CNTN5: variants seen among roughly 807,000 people sequenced by gnomAD.
CNTN5 encodes contactin 5, also known as contactin-5.
In CNTN5, 77 loss-of-function variants were observed where a neutral mutation model predicts 129.1. The ratio of observed to expected loss-of-function variants is 0.60; its 90% CI spans 0.50 to 0.72. The LOEUF (loss-of-function observed/expected upper bound fraction) is 0.72, where lower values mean the gene tolerates loss of function less well. CNTN5 is among the 30% of genes least tolerant of loss of function. The pLI, the probability that CNTN5 is intolerant of heterozygous loss-of-function variation, is 0.00. For synonymous variants in CNTN5, 509 were observed against 465.6 expected, an observed-to-expected ratio of 1.09 and a Z score of -1.20; for missense variants, 1,478 against 1,328.8, an observed-to-expected ratio of 1.11 and a Z score of -1.75.
chr11:100,137,652 C>T (rs999641059), intron 13 of CNTN5, among the ~76,000 whole-genome samples: 4 of 152,060 alleles, frequency 2.6e-5, no homozygotes, highest in Non-Finnish European at 5.9e-5. Flanking sequence ...AACCTGGAAT[C>T]TAGTCACTTA....
At chr11:99,127,214 A>G (rs1339459974) in intron 1 of CNTN5, among the ~76,000 whole-genome samples, 1 of 152,112 alleles carries the variant, frequency 6.6e-6, no homozygotes, top group Non-Finnish European at 1.5e-5. Flanking sequence ...CTTCTTCCTC[A>G]CTTACATCCT....
At chr11:100,316,099 C>CAA (rs1190642387) in intron 21 of CNTN5, among the ~76,000 whole-genome samples, 2 of 152,206 alleles carry the variant, frequency 1.3e-5, no homozygotes, top group Non-Finnish European at 2.9e-5. Flanking sequence ...CAGAGTCCCT[C>CAA]AAGCTTTTCA....
At chr11:100,145,015 C>A (rs1045335007) in intron 13 of CNTN5, among the ~76,000 whole-genome samples, 2 of 151,980 alleles carry the variant, frequency 1.3e-5, no homozygotes, top group South Asian at 2.1e-4. Context: ...AAATTAGAGA[C>A]CTTTCCATTG....
At chr11:99,349,357 T>C (rs571048024) in intron 2 of CNTN5, among the ~76,000 whole-genome samples, 2 of 152,156 alleles carry the variant, frequency 1.3e-5, no homozygotes, top group Non-Finnish European at 2.9e-5. Context: ...GAGATATAGA[T>C]AGATTGGCCA....
intron 3 of CNTN5, among the ~76,000 whole-genome samples, chr11:99,601,385 T>A (rs1950307803): frequency 6.6e-6 from 1 of 152,206 alleles, no homozygotes; most frequent in Non-Finnish European, 1.5e-5. Flanking sequence ...TTCTACCTGC[T>A]AGTCCTAGCA....
At chr11:99,788,965 T>G (rs1411022030) in intron 3 of CNTN5, among the ~76,000 whole-genome samples, 1 of 151,900 alleles carries the variant, frequency 6.6e-6, no homozygotes, top group Non-Finnish European at 1.5e-5. Context: ...CAAAATCTAG[T>G]AGCTTAATAT....
chr11:100,241,639 C>CAT, intron 16 of CNTN5, among the ~76,000 whole-genome samples: 1 of 152,290 alleles, frequency 6.6e-6, no homozygotes, highest in South Asian at 2.1e-4. Flanking sequence ...ACGACAATCA[C>CAT]ATATTCACAA....
At chr11:99,364,686 T>A (rs969866290) in intron 2 of CNTN5, among the ~76,000 whole-genome samples, 1 of 152,132 alleles carries the variant, frequency 6.6e-6, no homozygotes, top group Non-Finnish European at 1.5e-5. Context: ...ATTTATTTCA[T>A]AAGAATAAGA....
At chr11:99,815,928 A>T (rs183830596) in intron 3 of CNTN5, among the ~76,000 whole-genome samples, 2 of 152,034 alleles carry the variant, frequency 1.3e-5, no homozygotes, top group Non-Finnish European at 2.9e-5. Flanking sequence ...TGCACCTTGC[A>T]TCTATTTCTT....
intron 1 of CNTN5, among the ~76,000 whole-genome samples, chr11:99,036,818 C>A (rs530562907): frequency 6.6e-6 from 1 of 152,262 alleles, no homozygotes; most frequent in African/African-American, 2.4e-5. Flanking sequence ...AATATTTGAA[C>A]ATCCCTTTAT....
intron 13 of CNTN5, among the ~76,000 whole-genome samples, chr11:100,180,758 A>T (rs147954784): frequency 6.2e-4 from 95 of 152,098 alleles, no homozygotes; most frequent in African/African-American, 2.2e-3. Context: ...TAGAATATAT[A>T]AAGTACTCTC....
chr11:99,550,990 T>C (rs1226920016), intron 2 of CNTN5, among the ~76,000 whole-genome samples: 1 of 152,152 alleles, frequency 6.6e-6, no homozygotes, highest in African/African-American at 2.4e-5. Context: ...TATAAGATAG[T>C]CACTTAAAAA....
intron 3 of CNTN5, among the ~76,000 whole-genome samples, chr11:99,745,944 T>C (rs1230326159): frequency 2.0e-5 from 3 of 152,156 alleles, no homozygotes; most frequent in African/African-American, 7.2e-5. Flanking sequence ...AGTGATGAAA[T>C]TGGACTTCCA....
chr11:99,275,211 A>G (rs1439186612), intron 1 of CNTN5, among the ~76,000 whole-genome samples: 1 of 151,394 alleles, frequency 6.6e-6, no homozygotes, highest in Non-Finnish European at 1.5e-5. Flanking sequence ...AAAAAACTCA[A>G]TCAACAAACA....
chr11:99,821,536 G>A (rs1228172096), intron 4 of CNTN5, among the ~76,000 whole-genome samples: 1 of 151,574 alleles, frequency 6.6e-6, no homozygotes, highest in Non-Finnish European at 1.5e-5. Flanking sequence ...TTTTTTTCTG[G>A]AAGATCATCA....
intron 10 of CNTN5, among the ~76,000 whole-genome samples, chr11:100,069,043 A>G (rs1418874620): frequency 6.6e-6 from 1 of 152,204 alleles, no homozygotes; most frequent in African/African-American, 2.4e-5. Flanking sequence ...CATTTAATAA[A>G]TGTGAGTTCT....
chr11:99,520,728 C>A (rs754588965), intron 2 of CNTN5, among the ~76,000 whole-genome samples: 5 of 151,964 alleles, frequency 3.3e-5, no homozygotes. Context: ...CCTTCTCATA[C>A]GTATTTTGGG....
chr11:99,406,439 A>G (rs1942070811), intron 2 of CNTN5, among the ~76,000 whole-genome samples: 1 of 151,918 alleles, frequency 6.6e-6, no homozygotes, highest in African/African-American at 2.4e-5. Context: ...ATCTGGAGCT[A>G]GGGGTTGAGT....
intron 15 of CNTN5, among the ~76,000 whole-genome samples, chr11:100,197,514 A>G (rs2138532816): frequency 6.6e-6 from 1 of 152,040 alleles, no homozygotes; most frequent in East Asian, 1.9e-4. Context: ...AGCATTTACT[A>G]TGGTGTCCTG....
Sources: allele counts gnomAD v4.1 joint callset (sites outside exome capture counted in the v4.1 genomes callset), GRCh38; gene constraint gnomAD v4.1.1; transcripts MANE v1.5; gene names NCBI Gene and HGNC (gene_info 2026-07-23, HGNC 2026-07-21).